Variants in GPALPP1 observed in about 807,000 individuals in gnomAD.
GPALPP1 encodes the protein GPALPP motifs-containing protein 1.
In GPALPP1, 30 loss-of-function variants were observed where a neutral mutation model predicts 38.9. The ratio of observed to expected loss-of-function variants is 0.77; its 90% CI spans 0.58 to 1.05. The LOEUF (loss-of-function observed/expected upper bound fraction) is 1.05, where lower values mean the gene tolerates loss of function less well. Ranked by LOEUF, GPALPP1 falls within the 50% of genes least tolerant of loss-of-function variation. The probability of loss-of-function intolerance (pLI) is 0.00; values close to 1 mark genes in which losing one functional copy is unlikely to be tolerated. For synonymous variants in GPALPP1, 120 were observed against 139.2 expected (o/e 0.86, Z 0.97); for missense variants, 384 against 408.8 (o/e 0.94, Z 0.52).
chr13:45,024,216 CTGAG>C (rs571079960), intron 7 of GPALPP1, among the ~76,000 whole-genome samples: 21 of 83,408 alleles, frequency 2.5e-4, no homozygotes, highest in Middle Eastern at 8.6e-3. Context: ...TGTTTTGAGA[CTGAG>C]TCTCAATCTT....
chr13:45,034,460 T>C (rs1246375214), downstream of GPALPP1: 1 of 152,214 alleles, frequency 6.6e-6, no homozygotes, highest in Non-Finnish European at 1.5e-5. Flanking sequence ...TCTCTGAAGA[T>C]GTGTCATTTA....
chr13:45,030,505 A>T (rs1196344046), downstream of GPALPP1: 1 of 152,400 alleles, frequency 6.6e-6, no homozygotes, highest in Non-Finnish European at 1.5e-5. Flanking sequence ...TCAGTGTCCC[A>T]AGTAGCTGGG....
chr13:45,003,938 G>T lies in GPALPP1; in HGVS notation c.89-367G>T, dbSNP rs1431918425. Among the ~76,000 whole-genome samples, 8 of 150,560 alleles carry T rather than the reference G, an allele frequency of 5.3e-5. No individual in the cohort carries two copies. In the South Asian group the frequency reaches 1.1e-3, roughly 20 times the overall value. On this transcript the variant is annotated intron_variant, in intron 1 of 7. Transcript: ENST00000379151. ...AAAAAAAAATCATGAAGCCATTGGG[G>T]TTTTTTTTTGTTTGTTTGTTTGTTT...
At chr13:44,991,071 G>C (rs1051769859) in intron 1 of GPALPP1, among the ~76,000 whole-genome samples, 1 of 149,768 alleles carries the variant, frequency 6.7e-6, no homozygotes, top group Non-Finnish European at 1.5e-5. Flanking sequence ...CTGGGCGACG[G>C]AACGAGAGTT....
chr13:44,994,301 G>A (rs1053592517), intron 1 of GPALPP1, among the ~76,000 whole-genome samples: 5 of 151,630 alleles, frequency 3.3e-5, no homozygotes, highest in Non-Finnish European at 5.9e-5. Flanking sequence ...GCCCTCTCGC[G>A]GCCGGGCACG....
intron 1 of GPALPP1, among the ~76,000 whole-genome samples, chr13:44,995,059 T>C (rs1873150290): frequency 6.6e-6 from 1 of 151,860 alleles, no homozygotes; most frequent in African/African-American, 2.4e-5. Context: ...TCCATGTTGG[T>C]CAGGCTGGTC....
chr13:45,009,562 T>C (rs1874333488), intron 4 of GPALPP1, among the ~76,000 whole-genome samples: 1 of 152,196 alleles, frequency 6.6e-6, no homozygotes. Flanking sequence ...ATCAAAGCCA[T>C]GGCACAAACC....
intron 1 of GPALPP1, among the ~76,000 whole-genome samples, chr13:44,991,750 C>A (rs1029224808): frequency 6.6e-6 from 1 of 152,192 alleles, no homozygotes. Context: ...GCATCACCAC[C>A]CCTCCTACAA....
At chr13:45,018,986 CATATAAAT>C (rs71070952) in intron 6 of GPALPP1, among the ~76,000 whole-genome samples, 74,556 of 100,710 alleles carry the variant, frequency 0.74, 29,199 homozygotes, top group Non-Finnish European at 0.83. Flanking sequence ...AATATATATA[CATATAAAT>C]ATATATACAT....
At chr13:44,994,756 T>C (rs1873121291) in intron 1 of GPALPP1, among the ~76,000 whole-genome samples, 1 of 152,224 alleles carries the variant, frequency 6.6e-6, no homozygotes, top group South Asian at 2.1e-4. Context: ...TATTTATTCG[T>C]GGTTTTTTGT....
chr13:44,998,568 G>A lies in GPALPP1; in HGVS notation c.89-5737G>A, dbSNP rs540492805. The stretch of plus-strand genomic sequence containing the variant: ...GTTTTCTAAATGTGATGACTCTTTT[G>A]CTTTCAGGCTTTTGCAGATGCTTTT... On this transcript the variant is annotated intron_variant, in intron 1 of 7. Coordinates refer to ENST00000379151, the MANE Select transcript of GPALPP1 (RefSeq NM_018559.5). Among the ~76,000 whole-genome samples, 11 of 152,216 alleles carry A rather than the reference G, an allele frequency of 7.2e-5. No homozygotes were observed. In the South Asian group the frequency reaches 1.5e-3, roughly 20 times the overall value.
chr13:45,000,766 T>C (rs768113091), intron 1 of GPALPP1, among the ~76,000 whole-genome samples: 4 of 152,176 alleles, frequency 2.6e-5, no homozygotes, highest in Non-Finnish European at 2.9e-5. Flanking sequence ...ATAAATAAAT[T>C]GGGGAACACT....
intron 1 of GPALPP1, among the ~76,000 whole-genome samples, chr13:45,000,909 ATGTTATTACC>A (rs1447172545): frequency 6.6e-6 from 1 of 152,240 alleles, no homozygotes; most frequent in Non-Finnish European, 1.5e-5. Context: ...TTTCTAAGGC[ATGTTATTACC>A]TGTTCTATAG....
At chr13:45,022,152 T>G (rs1447151482) in intron 7 of GPALPP1, among the ~76,000 whole-genome samples, 1 of 152,166 alleles carries the variant, frequency 6.6e-6, no homozygotes, top group Non-Finnish European at 1.5e-5. Context: ...ACAACATGGA[T>G]GAATCTCAAA....
intron 6 of GPALPP1, among the ~76,000 whole-genome samples, chr13:45,019,506 A>C (rs1427921823): frequency 6.6e-6 from 1 of 151,866 alleles, no homozygotes; most frequent in Non-Finnish European, 1.5e-5. Flanking sequence ...ATACTTGCTT[A>C]GTAGTTCCAG....
intron 7 of GPALPP1, among the ~76,000 whole-genome samples, chr13:45,023,001 A>G (rs1481735960): frequency 6.6e-6 from 1 of 152,196 alleles, no homozygotes; most frequent in Non-Finnish European, 1.5e-5. Context: ...TGACCACACC[A>G]CTGCACTCCA....
At chr13:44,994,283 A>T (rs938795610) in intron 1 of GPALPP1, among the ~76,000 whole-genome samples, 1 of 151,148 alleles carries the variant, frequency 6.6e-6, no homozygotes, top group African/African-American at 2.4e-5. Context: ...CTAATTTCTT[A>T]AAAAAATGCC....
At chr13:44,994,408 C>T (rs1348560057) in intron 1 of GPALPP1, among the ~76,000 whole-genome samples, 3 of 151,664 alleles carry the variant, frequency 2.0e-5, no homozygotes, top group African/African-American at 4.8e-5. Flanking sequence ...GGAGAAACCC[C>T]GTCTCTACTA....
At chr13:45,031,974 A>C (rs142157598), downstream of GPALPP1, 20 of 152,376 alleles carry the variant, frequency 1.3e-4, no homozygotes, top group African/African-American at 4.6e-4. Context: ...ATAATGGAGC[A>C]GATACTTTTA....
Sources: gnomAD v4.1 joint callset for allele counts (sites outside exome capture counted in the v4.1 genomes callset) on GRCh38, gnomAD v4.1.1 for gene constraint, MANE v1.5 for transcripts, NCBI Gene and HGNC (gene_info 2026-07-23, HGNC 2026-07-21) for gene names.